The following ZNF30 variants were observed in gnomAD, a reference collection of about 807,000 sequenced individuals.
ZNF30 encodes zinc finger protein 30.
In ZNF30, 15 loss-of-function variants were observed where a neutral mutation model predicts 13.2. The observed-to-expected ratio is 1.13, with a 90% CI of 0.76 to 1.75. The LOEUF is 1.75. Among genes scored for constraint, ZNF30 ranks in the 40% most tolerant of loss-of-function variants. The probability of loss-of-function intolerance (pLI) is 0.00; values close to 1 mark genes in which losing one functional copy is unlikely to be tolerated. For missense variants in ZNF30, 726 were observed against 757.0 expected (o/e 0.96, Z 0.48); for synonymous variants, 223 against 256.6 (o/e 0.87, Z 1.25).
chr19:34,928,557 G>A (rs1329920195), intron 1 of ZNF30, among the ~76,000 whole-genome samples: 1 of 152,146 alleles, frequency 6.6e-6, no homozygotes, highest in African/African-American at 2.4e-5. Context: ...TGGTGGCCGG[G>A]TGCGGTGGCT....
intron 4 of ZNF30, among the ~76,000 whole-genome samples, chr19:34,941,656 G>A (rs1469442795): frequency 1.3e-5 from 2 of 152,164 alleles, no homozygotes; most frequent in African/African-American, 4.8e-5. Context: ...GGGATGAATG[G>A]GCCACAGTGA....
rs1413622030 is a variant in ZNF30 at position 34,931,647 on chromosome 19, T to C, written c.10-196T>C. On this transcript the variant is annotated intron_variant, in intron 2 of 4. Transcript: ENST00000601142. ...ATTTCACCACAAATCTGGAGTATTA[T>C]GATAATCCTACAATATATAGGACAT... 5.9e-5 allele frequency among the ~76,000 whole-genome samples: 9 copies of C among 152,362 alleles called. 1 individual carries two copies. In the East Asian group the frequency reaches 1.7e-3, roughly 29 times the overall value.
intron 3 of ZNF30, among the ~76,000 whole-genome samples, chr19:34,933,257 C>A (rs924009652): frequency 3.3e-5 from 5 of 151,848 alleles, no homozygotes; most frequent in African/African-American, 1.2e-4. Context: ...ATATCGAGAC[C>A]ATCCTGGCCA....
At chr19:34,931,451 A>ATGT (rs1343039777) in intron 2 of ZNF30, among the ~76,000 whole-genome samples, 3 of 152,184 alleles carry the variant, frequency 2.0e-5, no homozygotes, top group African/African-American at 7.2e-5. Context: ...GCTATTTTCT[A>ATGT]AGACAGATTT....
At chr19:34,925,008 A>G (rs1272800617), upstream of ZNF30, among the ~76,000 whole-genome samples, 1 of 152,246 alleles carries the variant, frequency 6.6e-6, no homozygotes, top group African/African-American at 2.4e-5. Flanking sequence ...GTTGATGTTG[A>G]TAAGAGAAAA....
At chr19:34,936,044 T>A (rs1240561471) in intron 4 of ZNF30, among the ~76,000 whole-genome samples, 1 of 152,172 alleles carries the variant, frequency 6.6e-6, no homozygotes, top group Non-Finnish European at 1.5e-5. Context: ...GTGAGAACAG[T>A]ATGGGGGAAA....
intron 4 of ZNF30, among the ~76,000 whole-genome samples, chr19:34,934,421 A>G (rs562002899): frequency 2.0e-4 from 30 of 151,934 alleles, no homozygotes; most frequent in East Asian, 1.9e-3. Context: ...ACACCACCAC[A>G]CCTGGCTAAT....
Position 34,943,697 on chromosome 19 carries a change from A to T in ZNF30, c.731A>T (p.Tyr244Phe). The T allele has an allele frequency of 6.2e-7, 1 of 1,613,504 alleles. No individual in the cohort carries two copies. The highest frequency in any genetic ancestry group is 2.2e-5 in the East Asian group (1 of 44,884). ...CGECGKAFLV[Y>F]GKLTRHQSTH... ...GAATGTGGGAAAGCTTTTCTAGTAT[A>T]TGGAAAGCTTACCCGGCATCAGAGT... Residue 244 changes from tyrosine (Y) to phenylalanine (F), a missense_variant, in exon 5 of 5, where the codon TAT (tyrosine) becomes TTT (phenylalanine). Coordinates refer to ENST00000601142, the MANE Select transcript of ZNF30 (RefSeq NM_194325.3).
intron 4 of ZNF30, among the ~76,000 whole-genome samples, chr19:34,938,453 A>G (rs1052996597): frequency 2.0e-5 from 3 of 151,932 alleles, no homozygotes; most frequent in Non-Finnish European, 4.4e-5. Context: ...GGATTTGGGA[A>G]CTTTTTTTGC....
In ZNF30 at chr19:34,944,124, T is replaced by G; in HGVS notation, c.1158T>G (p.Tyr386Ter). ...ECGRTFSRAS[Y>*]LVQHGRLHTG... ...GGAGAACCTTCAGTCGTGCCTCATA[T>G]CTTGTTCAACATGGAAGACTTCACA... The change falls in exon 5 of 5, where the codon TAT (tyrosine) becomes TAG (stop). Residue 386 changes from tyrosine (Y) to a stop codon, truncating the protein, a stop_gained. Transcript: ENST00000601142. LOFTEE classifies it low-confidence loss of function (END_TRUNC). 1 of 1,613,286 alleles carries G rather than the reference T, an allele frequency of 6.2e-7. No individual in the cohort carries two copies. Among genetic ancestry groups the G allele is most frequent in the South Asian group, 1.1e-5 (1 of 91,022 alleles).
Position 34,927,232 on chromosome 19 carries a change from A to C in ZNF30, c.-65+16A>C. 2 of 378,218 alleles carry C rather than the reference A, an allele frequency of 5.3e-6. No homozygotes were observed. Among genetic ancestry groups the C allele is most frequent in the Non-Finnish European group, 9.4e-6 (2 of 213,648 alleles). 23.4% of individuals were successfully genotyped at this position (378,218 alleles called of 1,614,324 possible). A position where few individuals can be genotyped will look rare whatever the true frequency, so the allele number is the denominator to read the frequency against. ...TGAGACATGCGTGAGCGTTGGGTGG[A>C]CCGGGCGAGGATCCCGGGCCGGCGA... is the stretch of plus-strand genomic sequence containing the variant. On this transcript the variant is annotated intron_variant, in intron 1 of 4. Transcript: ENST00000601142.
intron 2 of ZNF30, among the ~76,000 whole-genome samples, chr19:34,931,224 G>C (rs2012435788): frequency 6.6e-6 from 1 of 151,894 alleles, no homozygotes; most frequent in Non-Finnish European, 1.5e-5. Context: ...TTTTAGTAGA[G>C]ATGAGTTTCA....
chr19:34,943,588 C>A lies in ZNF30; in HGVS notation c.622C>A (p.Gln208Lys). 1 of 1,613,322 alleles carries A rather than the reference C, an allele frequency of 6.2e-7. No homozygotes were observed. Among genetic ancestry groups the A allele is most frequent in the Non-Finnish European group, 8.5e-7 (1 of 1,179,692 alleles). ...HTGEKPLKCK[Q>K]CGKTISGSYQ... ...TGGTGAGAAGCCACTCAAATGTAAG[C>A]AATGTGGAAAGACTATTAGTGGTAG... is the stretch of plus-strand genomic sequence containing the variant. The change falls in exon 5 of 5, where the codon CAA becomes AAA. Residue 208 changes from glutamine (Q) to lysine (K), a missense_variant. Physicochemically the swap from Gln to Lys is moderately conservative, Grantham distance 53. Transcript: ENST00000601142.
intron 4 of ZNF30, among the ~76,000 whole-genome samples, chr19:34,941,969 TTGAG>T (rs2013070395): frequency 6.6e-6 from 1 of 152,228 alleles, no homozygotes; most frequent in Non-Finnish European, 1.5e-5. Flanking sequence ...CCCCACATTA[TTGAG>T]TATGTTTCTC....
At chr19:34,925,079 GC>G (rs1362784590), upstream of ZNF30, among the ~76,000 whole-genome samples, 1 of 152,156 alleles carries the variant, frequency 6.6e-6, no homozygotes, top group Non-Finnish European at 1.5e-5. Context: ...TCAGTGTCCC[GC>G]TGCTCAAACC....
chr19:34,944,738 C>T lies in ZNF30; in HGVS notation c.1772C>T (p.Thr591Ile). 1.2e-6 allele frequency: 2 copies of T among 1,613,998 alleles called. No homozygotes were observed. Among genetic ancestry groups the T allele is most frequent in the Non-Finnish European group, 1.7e-6 (2 of 1,179,926 alleles). The change falls in exon 5 of 5, where the codon ACT becomes ATT. Residue 591 changes from threonine to isoleucine, a missense_variant. Physicochemically the swap from Thr to Ile is moderately conservative, Grantham distance 89 (BLOSUM62 -1). Coordinates refer to ENST00000601142, the MANE Select transcript of ZNF30 (RefSeq NM_194325.3). ...SFLTEHQRVH[T>I]GEKPFKCKKC... ...CTTACTGAACATCAGCGGGTACACA[C>T]TGGTGAGAAACCCTTTAAATGCAAA...
intron 1 of ZNF30, among the ~76,000 whole-genome samples, chr19:34,928,961 CCT>C (rs1026803125): frequency 3.3e-5 from 5 of 152,146 alleles, no homozygotes; most frequent in Non-Finnish European, 7.4e-5. Context: ...GTATCTCCCC[CCT>C]GTGGATAAGA....
rs1484131505 is a variant in ZNF30 at position 34,944,298 on chromosome 19, C to T, written c.1332C>T (p.Thr444=). The T allele has an allele frequency of 9.9e-6, 16 of 1,610,548 alleles. No homozygotes were observed. The highest frequency in any genetic ancestry group is 3.4e-5 in the Admixed American group (2 of 59,628). The change falls in exon 5 of 5, where the codon ACC becomes ACT. Residue 444 remains threonine, a synonymous_variant. Transcript: ENST00000601142. ...GKAFISRHQL[T]VHQRVHTGEK... is the part of the protein sequence containing the mutation. ...CCTTTATTAGTCGCCATCAGCTTAC[C>T]GTACATCAAAGGGTTCATACTGGAG...
chr19:34,942,285 T>C (rs1023480189), intron 4 of ZNF30, among the ~76,000 whole-genome samples: 2 of 151,334 alleles, frequency 1.3e-5, no homozygotes, highest in African/African-American at 4.9e-5. Context: ...TCTATAAAAA[T>C]TACAAAAAAA....
Sources: gnomAD v4.1 joint callset for allele counts (sites outside exome capture counted in the v4.1 genomes callset) on GRCh38, gnomAD v4.1.1 for gene constraint, MANE v1.5 for transcripts, NCBI Gene and HGNC (gene_info 2026-07-23, HGNC 2026-07-21) for gene names.